Variants in ANKS1B observed in about 807,000 individuals in gnomAD.
The protein encoded by ANKS1B is ankyrin repeat and sterile alpha motif domain-containing protein 1B.
ANKS1B carries 36 observed loss-of-function variants against 148.3 expected under a neutral mutation model. The ratio of observed to expected loss-of-function variants is 0.24; its 90% CI spans 0.19 to 0.32. ANKS1B has a LOEUF of 0.32. Among genes scored for constraint, ANKS1B ranks in the 10% least tolerant of loss-of-function variants. The pLI is 1.00. For missense variants in ANKS1B, 1,157 were observed against 1,542.6 expected, an observed-to-expected ratio of 0.75 and a Z score of 4.19; for synonymous variants, 542 against 560.8, an observed-to-expected ratio of 0.97 and a Z score of 0.47.
intron 1 of ANKS1B, among the ~76,000 whole-genome samples, chr12:99,827,501 A>G (rs1324312730): frequency 6.6e-6 from 1 of 152,182 alleles, no homozygotes; most frequent in Non-Finnish European, 1.5e-5. Context: ...TGCACTGTAT[A>G]CGGGATTTCA....
At chr12:98,786,998 G>A (rs980601937) in intron 22 of ANKS1B, among the ~76,000 whole-genome samples, 5 of 152,056 alleles carry the variant, frequency 3.3e-5, no homozygotes, top group Non-Finnish European at 4.4e-5. Context: ...GTCCTGAGTC[G>A]TAACTATTAA....
chr12:99,709,672 G>A (rs1008430063), intron 8 of ANKS1B, among the ~76,000 whole-genome samples: 8 of 151,978 alleles, frequency 5.3e-5, no homozygotes, highest in Admixed American at 4.6e-4. Flanking sequence ...GAGAGGTCAA[G>A]AGTCAAGAAA....
chr12:99,699,451 C>T (rs577524318), intron 8 of ANKS1B, among the ~76,000 whole-genome samples: 1 of 152,070 alleles, frequency 6.6e-6, no homozygotes, highest in Admixed American at 6.6e-5. Context: ...CTTTTCATCC[C>T]CTTTGCCCTT....
chr12:99,474,553 CTAAAA>C (rs2152916960), intron 10 of ANKS1B, among the ~76,000 whole-genome samples: 1 of 151,530 alleles, frequency 6.6e-6, no homozygotes, highest in East Asian at 1.9e-4. Flanking sequence ...AGAAATACAC[CTAAAA>C]TAAAATAAAG....
Position 99,848,475 on chromosome 12 carries a change from C to G in ANKS1B, c.135-23086G>C, listed in dbSNP as rs560577722. 3.9e-5 allele frequency among the ~76,000 whole-genome samples: 6 copies of G among 152,146 alleles called. No homozygotes were observed. In the East Asian group the frequency reaches 1.2e-3, roughly 29 times the overall value. ...AACAAAGCTGGAAGACTTAAAGTAC[C>G]ATATATCACGATAATGTAAAAGAAC... On this transcript the variant is annotated intron_variant, in intron 1 of 26. Coordinates refer to ENST00000683438, the MANE Select transcript of ANKS1B (RefSeq NM_001352186.2).
At chr12:99,718,199 C>A (rs541992381) in intron 8 of ANKS1B, among the ~76,000 whole-genome samples, 124 of 152,232 alleles carry the variant, frequency 8.1e-4, no homozygotes, top group African/African-American at 2.7e-3. Context: ...CGCGCCCAGC[C>A]GACAATACTC....
chr12:98,894,501 C>T (rs1269321573), intron 17 of ANKS1B: 2 of 912,794 alleles, frequency 2.2e-6, no homozygotes, highest in South Asian at 5.0e-5. Flanking sequence ...GGCAAAGCGT[C>T]TCCGCAGCCT....
intron 1 of ANKS1B, among the ~76,000 whole-genome samples, chr12:99,867,324 C>G (rs1440642648): frequency 6.6e-6 from 1 of 152,066 alleles, no homozygotes; most frequent in African/African-American, 2.4e-5. Flanking sequence ...ACTTTTTGTA[C>G]TAGACTTTCA....
At chr12:99,726,036 A>G (rs1050246473) in intron 8 of ANKS1B, among the ~76,000 whole-genome samples, 1 of 152,154 alleles carries the variant, frequency 6.6e-6, no homozygotes, top group African/African-American at 2.4e-5. Context: ...TCAGAAAGCT[A>G]GAAAGATCTC....
chr12:99,242,519 T>G lies in ANKS1B; in HGVS notation c.2419+1823A>C, dbSNP rs759009050. Among the ~76,000 whole-genome samples, 5 of 152,182 alleles carry G rather than the reference T, an allele frequency of 3.3e-5. No individual in the cohort carries two copies. In the East Asian group the frequency reaches 7.7e-4, roughly 23 times the overall value. On this transcript the variant is annotated intron_variant, in intron 14 of 26. Transcript: ENST00000683438. ...ATCCCCATCAAGTTGCCACTGACTTTCTTCACAGAATTGGAAAAACTACTT... is the reference window on the plus strand; with the variant it reads ...ATCCCCATCAAGTTGCCACTGACTTGCTTCACAGAATTGGAAAAACTACTT...
chr12:98,816,503 C>T (rs371839929), intron 19 of ANKS1B, among the ~76,000 whole-genome samples: 1 of 152,234 alleles, frequency 6.6e-6, no homozygotes, highest in African/African-American at 2.4e-5. Context: ...GCCATGTTGG[C>T]CAGGTCTCGG....
At chr12:99,892,707 C>G (rs10161287) in intron 1 of ANKS1B, among the ~76,000 whole-genome samples, 8,838 of 152,182 alleles carry the variant, frequency 0.058, 837 homozygotes, top group African/African-American at 0.2. Flanking sequence ...TCTACACAGC[C>G]AACCAACCAC....
intron 15 of ANKS1B, among the ~76,000 whole-genome samples, chr12:99,095,667 G>A (rs1248572206): frequency 1.3e-5 from 2 of 152,166 alleles, no homozygotes; most frequent in Admixed American, 6.5e-5. Context: ...GTGTACTGTG[G>A]CATGTAATTA....
At chr12:98,845,177 T>C (rs771139437) in intron 17 of ANKS1B, among the ~76,000 whole-genome samples, 5 of 152,232 alleles carry the variant, frequency 3.3e-5, no homozygotes, top group Admixed American at 6.5e-5. Flanking sequence ...TTTACCTTGC[T>C]ATTACAACCT....
At chr12:99,586,967 G>A (rs1463842447) in intron 9 of ANKS1B, among the ~76,000 whole-genome samples, 1 of 151,932 alleles carries the variant, frequency 6.6e-6, no homozygotes, top group Admixed American at 6.6e-5. Context: ...GATTTGGGTG[G>A]GGACAGAACC....
intron 15 of ANKS1B, among the ~76,000 whole-genome samples, chr12:99,131,823 C>T (rs1037930195): frequency 5.9e-5 from 9 of 152,154 alleles, no homozygotes; most frequent in African/African-American, 1.4e-4. Flanking sequence ...CACAGGGGGC[C>T]GCCTACTCAG....
intron 12 of ANKS1B, among the ~76,000 whole-genome samples, chr12:99,387,603 A>AAAAGAAGAAG (rs1555411884): frequency 6.6e-6 from 1 of 151,040 alleles, no homozygotes; most frequent in African/African-American, 2.5e-5. Context: ...CTCAAAAAAA[A>AAAAGAAGAAG]AAGAAGAAGA....
At chr12:99,491,106 A>G (rs985814337) in intron 10 of ANKS1B, among the ~76,000 whole-genome samples, 2 of 152,132 alleles carry the variant, frequency 1.3e-5, no homozygotes, top group Non-Finnish European at 2.9e-5. Context: ...TCATGAGATC[A>G]GGAGATGGAG....
intron 12 of ANKS1B, among the ~76,000 whole-genome samples, chr12:99,377,656 A>G (rs370415474): frequency 6.6e-6 from 1 of 152,238 alleles, no homozygotes; most frequent in Admixed American, 6.5e-5. Context: ...TTTAAGAAAA[A>G]GAGTGTATAT....
Sources: allele counts gnomAD v4.1 joint callset (sites outside exome capture counted in the v4.1 genomes callset), GRCh38; gene constraint gnomAD v4.1.1; transcripts MANE v1.5; gene names NCBI Gene and HGNC (gene_info 2026-07-23, HGNC 2026-07-21).